The following SPATA31C1 variants were observed in gnomAD, a reference collection of about 807,000 sequenced individuals.
SPATA31C1 encodes spermatogenesis-associated protein 31C1.
chr9:87,916,813 C>T (rs113233556), intron 1 of SPATA31C1, among the ~76,000 whole-genome samples: 14,048 of 72,802 alleles, frequency 0.19, 1,026 homozygotes, highest in East Asian at 0.42. Context: ...CTGGCTAACA[C>T]GGTGAAACCC....
At chr9:87,920,899 C>T (rs780052633) in exon 5 of SPATA31C1, 5 of 1,613,176 alleles carry the variant, frequency 3.1e-6, no homozygotes, top group African/African-American at 2.7e-5. Flanking sequence ...CAGGCCCAGC[C>T]CCTGTCCCAT....
At chr9:87,921,001 C>T in exon 5 of SPATA31C1, 2 of 1,612,680 alleles carry the variant, frequency 1.2e-6, no homozygotes, top group African/African-American at 1.3e-5. Context: ...CATCTTCAAT[C>T]CTCTTTCCCA....
At chr9:87,915,453 G>GCCA (rs1828695078) in intron 1 of SPATA31C1, among the ~76,000 whole-genome samples, 1 of 144,776 alleles carries the variant, frequency 6.9e-6, no homozygotes, top group Non-Finnish European at 1.5e-5. Context: ...ACAGGCGCCC[G>GCCA]CCACCACGCC....
At chr9:87,918,974 T>C in intron 2 of SPATA31C1, 3 of 396,178 alleles carry the variant, frequency 7.6e-6, no homozygotes, top group South Asian at 4.0e-5. Flanking sequence ...GGTTTCACCA[T>C]GGCCAGGCTG....
rs779227619 is a variant in SPATA31C1 at position 87,921,934 on chromosome 9, A to G, written n.2324A>G. 1.9e-6 allele frequency: 3 copies of G among 1,612,040 alleles called. No homozygotes were observed. The African/African-American group carries it at 4.0e-5, about 22-fold the overall frequency. ...CCCCTCAGGGTCCTCAAGCCCATTC[A>G]GTGCTTTCAACTGGAAAAGGTTTCA... On this transcript the variant is annotated non_coding_transcript_exon_variant, in exon 5 of 5. Transcript: ENST00000420021.
chr9:87,921,428 G>A (rs1264520794), exon 5 of SPATA31C1: 1 of 1,611,802 alleles, frequency 6.2e-7, no homozygotes, highest in Admixed American at 1.7e-5. Flanking sequence ...GCAGCAAGGA[G>A]GCACAGACGG....
In SPATA31C1 at chr9:87,920,308, C is replaced by T. The variant is rs750033682; in HGVS notation, n.698C>T. 14 of 1,613,818 alleles carry T rather than the reference C, an allele frequency of 8.7e-6. No homozygotes were observed. The Admixed American group carries it at 1.3e-4, about 15-fold the overall frequency. On this transcript the variant is annotated non_coding_transcript_exon_variant, in exon 5 of 5. Transcript: ENST00000420021. ...TTTGGTCAGCTCTCTGGTCCAGACC[C>T]GCCAGGTGAGGTGGGCAAAAGAACA... is the stretch of plus-strand genomic sequence containing the variant.
exon 5 of SPATA31C1, chr9:87,921,561 G>A (rs752341517): frequency 3.7e-5 from 59 of 1,611,910 alleles, no homozygotes; most frequent in Non-Finnish European, 4.7e-5. Flanking sequence ...GACCTCTGAG[G>A]AGTCAGAAAG....
At chr9:87,921,751 T>C (rs1392379277) in exon 5 of SPATA31C1, 1 of 1,612,044 alleles carries the variant, frequency 6.2e-7, no homozygotes, top group Non-Finnish European at 8.5e-7. Flanking sequence ...GCTTTTCCCG[T>C]ATCCAACACC....
chr9:87,920,646 T>G, exon 5 of SPATA31C1: 3 of 1,613,884 alleles, frequency 1.9e-6, no homozygotes, highest in Non-Finnish European at 1.7e-6. Context: ...CTCCACTCTG[T>G]TAACACCATC....
At chr9:87,920,639 C>A in exon 5 of SPATA31C1, 2 of 1,613,880 alleles carry the variant, frequency 1.2e-6, no homozygotes, top group Non-Finnish European at 1.7e-6. Flanking sequence ...TGCGGGACTC[C>A]ACTCTGTTAA....
chr9:87,922,187 T>C (rs771389183), exon 5 of SPATA31C1: 3 of 1,613,220 alleles, frequency 1.9e-6, no homozygotes, highest in South Asian at 2.2e-5. Context: ...CAAATGATCA[T>C]GGGTCCTTGA....
chr9:87,920,134 A>T, intron 4 of SPATA31C1, 118 bp from the exon 4 acceptor site: 2 of 1,599,550 alleles, frequency 1.3e-6, no homozygotes, highest in South Asian at 2.2e-5. Context: ...TTGGGTGGTC[A>T]GGGTGTGGCG....
chr9:87,921,057 G>A (rs768698984), exon 5 of SPATA31C1: 1 of 1,611,478 alleles, frequency 6.2e-7, no homozygotes, highest in South Asian at 1.1e-5. Context: ...CACTGGAGTA[G>A]CTTGCCCTGC....
At chr9:87,920,705 G>C in exon 5 of SPATA31C1, 11 of 1,613,950 alleles carry the variant, frequency 6.8e-6, no homozygotes, top group Non-Finnish European at 8.5e-6. Context: ...CTCAAAGCTT[G>C]TCTCCACGTG....
At chr9:87,920,562 C>T (rs775901033) in exon 5 of SPATA31C1, 2 of 1,613,782 alleles carry the variant, frequency 1.2e-6, no homozygotes, top group South Asian at 1.1e-5. Context: ...TTTCCCTCAC[C>T]CACCACACAC....
exon 5 of SPATA31C1, chr9:87,921,426 G>A (rs757833407): frequency 6.2e-7 from 1 of 1,611,766 alleles, no homozygotes; most frequent in South Asian, 1.1e-5. Flanking sequence ...AAGCAGCAAG[G>A]AGGCACAGAC....
At chr9:87,919,073 T>G (rs1828774203) in intron 2 of SPATA31C1, 182 bp from the exon 2 acceptor site, 1 of 1,010,452 alleles carries the variant, frequency 9.9e-7, no homozygotes, top group African/African-American at 1.6e-5. Flanking sequence ...CCCGACCCCC[T>G]CTTCCTGTTT....
At position 87,922,475 on chromosome 9, in the gene SPATA31C1, T is replaced by C. The variant is rs557547035; in HGVS notation, n.2865T>C. 62 of 1,610,506 alleles carry C rather than the reference T, an allele frequency of 3.8e-5. 4 individuals carry two copies. In the South Asian group the frequency reaches 6.6e-4, roughly 17 times the overall value. On this transcript the variant is annotated non_coding_transcript_exon_variant, in exon 5 of 5. Transcript: ENST00000420021. ...TCTCCCAAGACCCAAGAAAGCTGTG[T>C]CTCATGGAGGAGGCTGTTAGTGAAT...
Sources: gnomAD v4.1 joint callset for allele counts (sites outside exome capture counted in the v4.1 genomes callset) on GRCh38, gnomAD v4.1.1 for gene constraint, MANE v1.5 for transcripts, NCBI Gene and HGNC (gene_info 2026-07-23, HGNC 2026-07-21) for gene names.